DLGAP2: variants seen among roughly 807,000 people sequenced by gnomAD.
The protein encoded by DLGAP2 is disks large-associated protein 2.
In DLGAP2, 26 loss-of-function variants were observed where a neutral mutation model predicts 100.3. That is an observed-to-expected ratio of 0.26 (90% confidence interval 0.19 to 0.36). DLGAP2 has a LOEUF of 0.36. DLGAP2 is among the 10% of genes least tolerant of loss of function. The pLI, the probability that DLGAP2 is intolerant of heterozygous loss-of-function variation, is 1.00. For synonymous variants in DLGAP2, 886 were observed against 630.1 expected, an observed-to-expected ratio of 1.41 and a Z score of -6.08; for missense variants, 1,858 against 1,453.2, an observed-to-expected ratio of 1.28 and a Z score of -4.53.
intron 3 of DLGAP2, among the ~76,000 whole-genome samples, chr8:1,501,025 A>G (rs376110982): frequency 4.6e-5 from 7 of 152,254 alleles, no homozygotes; most frequent in African/African-American, 1.4e-4. Context: ...ATTAGAGTGG[A>G]CTGATTTTAC....
At chr8:1,304,004 A>G (rs1563072499) in intron 3 of DLGAP2, among the ~76,000 whole-genome samples, 1 of 152,192 alleles carries the variant, frequency 6.6e-6, no homozygotes, top group Admixed American at 6.5e-5. Context: ...AGACCCTGGA[A>G]GGCTGCTTAG....
intron 2 of DLGAP2, among the ~76,000 whole-genome samples, chr8:1,180,483 C>A (rs561791282): frequency 1.3e-5 from 2 of 152,368 alleles, no homozygotes; most frequent in South Asian, 2.1e-4. Context: ...CAGGAGCCAC[C>A]GTGCCCAGCT....
At chr8:1,590,816 G>A (rs1796268170) in intron 6 of DLGAP2, among the ~76,000 whole-genome samples, 1 of 152,184 alleles carries the variant, frequency 6.6e-6, no homozygotes, top group Admixed American at 6.5e-5. Flanking sequence ...CTGGTCCAGA[G>A]CAGACAGCCC....
At chr8:1,526,913 G>T (rs1800813924) in intron 4 of DLGAP2, among the ~76,000 whole-genome samples, 2 of 152,242 alleles carry the variant, frequency 1.3e-5, no homozygotes, top group African/African-American at 2.4e-5. Context: ...CCTTGGAGAG[G>T]AGAGGGCAGG....
intron 1 of DLGAP2, among the ~76,000 whole-genome samples, chr8:802,412 G>A (rs974207798): frequency 5.9e-5 from 9 of 152,344 alleles, no homozygotes; most frequent in African/African-American, 2.2e-4. Context: ...AGTGCTCTGG[G>A]CCCCTGGGCA....
chr8:1,360,926 C>G (rs1235919428), intron 3 of DLGAP2, among the ~76,000 whole-genome samples: 1 of 152,220 alleles, frequency 6.6e-6, no homozygotes, highest in Non-Finnish European at 1.5e-5. Context: ...CCTCTCATCG[C>G]TCACGTGTTT....
chr8:1,163,477 C>T (rs1340344226), intron 2 of DLGAP2, among the ~76,000 whole-genome samples: 1 of 152,206 alleles, frequency 6.6e-6, no homozygotes, highest in Admixed American at 6.5e-5. Context: ...TCTGTGGATG[C>T]CAGTGACAAT....
chr8:1,250,320 G>C (rs1400929866), intron 2 of DLGAP2: 5 of 152,262 alleles, frequency 3.3e-5, no homozygotes, highest in Non-Finnish European at 5.9e-5. Flanking sequence ...AGCAACTCCA[G>C]TGCCTGGGTC....
intron 3 of DLGAP2, chr8:1,300,956 G>C (rs1800322515): frequency 6.6e-6 from 1 of 152,274 alleles, no homozygotes; most frequent in Non-Finnish European, 1.5e-5. Flanking sequence ...CTGTGGCTCG[G>C]TGTCCACTCT....
chr8:963,127 C>T (rs1401355206), intron 2 of DLGAP2, among the ~76,000 whole-genome samples: 1 of 152,140 alleles, frequency 6.6e-6, no homozygotes, highest in Admixed American at 6.5e-5. Flanking sequence ...CAGCGGTCAC[C>T]CCTCGGAGCT....
intron 2 of DLGAP2, among the ~76,000 whole-genome samples, chr8:942,469 G>T (rs1226028396): frequency 6.6e-6 from 1 of 152,186 alleles, no homozygotes; most frequent in Non-Finnish European, 1.5e-5. Flanking sequence ...ACATCATCCA[G>T]AACAGCCAAA....
chr8:1,192,409 G>T (rs117835733), intron 2 of DLGAP2, among the ~76,000 whole-genome samples: 19 of 152,086 alleles, frequency 1.2e-4, no homozygotes, highest in African/African-American at 4.6e-4. Context: ...ACTTTTTTGC[G>T]GTGAGAACAA....
At chr8:1,414,307 G>T (rs569061974) in intron 3 of DLGAP2, among the ~76,000 whole-genome samples, 1 of 152,368 alleles carries the variant, frequency 6.6e-6, no homozygotes, top group South Asian at 2.1e-4. Flanking sequence ...GTGTTTCACA[G>T]TTGTCAGAAT....
intron 3 of DLGAP2, among the ~76,000 whole-genome samples, chr8:1,481,471 C>CTTTTTTT (rs1165790168): frequency 0.011 from 457 of 43,502 alleles, 4 homozygotes; most frequent in Middle Eastern, 0.019. Context: ...TTTTCTTTTT[C>CTTTTTTT]TTTTTTTTTT....
At chr8:919,308 T>C (rs564021600) in intron 2 of DLGAP2, among the ~76,000 whole-genome samples, 1 of 152,312 alleles carries the variant, frequency 6.6e-6, no homozygotes, top group South Asian at 2.1e-4. Context: ...CTGGGGTAGC[T>C]GAGACAGAGC....
intron 3 of DLGAP2, among the ~76,000 whole-genome samples, chr8:1,359,841 G>C (rs1028168829): frequency 6.6e-6 from 1 of 152,186 alleles, no homozygotes; most frequent in Admixed American, 6.5e-5. Flanking sequence ...CACTCTATAA[G>C]CCTTGCTAGA....
chr8:1,177,753 C>T (rs1440253948), intron 2 of DLGAP2, among the ~76,000 whole-genome samples: 1 of 152,142 alleles, frequency 6.6e-6, no homozygotes, highest in African/African-American at 2.4e-5. Flanking sequence ...GTGAGGGCTG[C>T]TTCCTGGTGT....
intron 4 of DLGAP2, among the ~76,000 whole-genome samples, chr8:1,508,062 A>T (rs73672752): frequency 6.6e-6 from 1 of 151,790 alleles, no homozygotes; most frequent in African/African-American, 2.4e-5. Context: ...TCACCAGGGC[A>T]CACTGCATTT....
chr8:1,697,909 G>A (rs1264891147), intron 14 of DLGAP2, among the ~76,000 whole-genome samples: 4 of 152,216 alleles, frequency 2.6e-5, no homozygotes, highest in Non-Finnish European at 2.9e-5. Flanking sequence ...AGAAGAACTA[G>A]TAGATAGTTC....
Sources: allele counts gnomAD v4.1 joint callset (sites outside exome capture counted in the v4.1 genomes callset), GRCh38; gene constraint gnomAD v4.1.1; transcripts MANE v1.5; gene names NCBI Gene and HGNC (gene_info 2026-07-23, HGNC 2026-07-21).